PTPRJ: variants seen among roughly 807,000 people sequenced by gnomAD.
PTPRJ encodes receptor-type tyrosine-protein phosphatase eta.
Under a neutral mutation model 141.3 loss-of-function variants are expected in PTPRJ, and 129 were observed. That is an observed-to-expected ratio of 0.91 (90% CI 0.79 to 1.06). The LOEUF is 1.06. PTPRJ is among the 50% of genes least tolerant of loss of function. The probability of loss-of-function intolerance (pLI) is 0.00; values close to 1 mark genes in which losing one functional copy is unlikely to be tolerated. For synonymous variants in PTPRJ, 610 were observed against 640.5 expected (o/e 0.95, Z 0.72); for missense variants, 1,601 against 1,679.7 (o/e 0.95, Z 0.82).
At chr11:48,050,079 C>T (rs1464428955) in intron 1 of PTPRJ, among the ~76,000 whole-genome samples, 8 of 152,138 alleles carry the variant, frequency 5.3e-5, no homozygotes, top group Non-Finnish European at 1.0e-4. Context: ...CTGTGCTTTC[C>T]GTAAAGCTGT....
chr11:47,990,653 C>A (rs887470548), intron 1 of PTPRJ, among the ~76,000 whole-genome samples: 24 of 150,374 alleles, frequency 1.6e-4, no homozygotes, highest in Admixed American at 8.6e-4. Context: ...CTCAAGTGAT[C>A]TGCCTGCCTT....
At chr11:48,125,568 T>A (rs998330209) in intron 6 of PTPRJ, among the ~76,000 whole-genome samples, 1 of 152,232 alleles carries the variant, frequency 6.6e-6, no homozygotes, top group Non-Finnish European at 1.5e-5. Flanking sequence ...TGAGTTTCAT[T>A]TTTTCACCCG....
chr11:48,146,730 TGC>T, intron 14 of PTPRJ, 144 bp from the exon 15 acceptor site: 1 of 691,664 alleles, frequency 1.4e-6, no homozygotes, highest in East Asian at 2.5e-5. Flanking sequence ...TGTGTGTGTG[TGC>T]GCCTGTGTGT....
At chr11:48,123,953 C>T (rs2134342842) in intron 5 of PTPRJ, 83 bp downstream of exon 5, 1 of 1,428,464 alleles carries the variant, frequency 7.0e-7, no homozygotes, top group Non-Finnish European at 9.5e-7. Context: ...AATTGCTCTT[C>T]CATGTGTATG....
intron 1 of PTPRJ, among the ~76,000 whole-genome samples, chr11:48,043,036 G>T (rs1031611387): frequency 3.3e-5 from 5 of 152,098 alleles, no homozygotes; most frequent in Non-Finnish European, 5.9e-5. Context: ...TAGCTGGTAG[G>T]CTGCTTTATG....
chr11:48,138,554 C>G lies in PTPRJ; in HGVS notation c.2153-932C>G, dbSNP rs111404321. Among the ~76,000 whole-genome samples the G allele has an allele frequency of 6.8e-3, 1,035 of 152,228 alleles. 12 individuals carry two copies. The highest frequency in any genetic ancestry group is 0.024 in the African/African-American group (989 of 41,524). The stretch of plus-strand genomic sequence containing the variant: ...TCCTCCAGTTGTAATATGGAGTTTT[C>G]TATTTACATCAGTTTGATGTTAGTC... On this transcript the variant is annotated intron_variant, in intron 10 of 24. Coordinates refer to ENST00000418331, the MANE Select transcript of PTPRJ (RefSeq NM_002843.4).
chr11:48,086,613 C>G (rs1855719281), intron 1 of PTPRJ, among the ~76,000 whole-genome samples: 2 of 152,218 alleles, frequency 1.3e-5, no homozygotes. Flanking sequence ...TCCTTCCTCC[C>G]TAGCCCAGGA....
At chr11:48,134,781 C>T (rs1213586434) in intron 8 of PTPRJ, among the ~76,000 whole-genome samples, 1 of 152,152 alleles carries the variant, frequency 6.6e-6, no homozygotes, top group African/African-American at 2.4e-5. Context: ...GTGCAGGTGG[C>T]TGAGTGGGCA....
chr11:48,054,881 G>C lies in PTPRJ; in HGVS notation c.97-55177G>C, dbSNP rs190551644. Among the ~76,000 whole-genome samples, 59 of 151,608 alleles carry C rather than the reference G, an allele frequency of 3.9e-4. No individual in the cohort carries two copies. In the South Asian group the frequency reaches 0.012, roughly 31 times the overall value. On this transcript the variant is annotated intron_variant, in intron 1 of 24. Coordinates refer to ENST00000418331, the MANE Select transcript of PTPRJ (RefSeq NM_002843.4). ...GGGTGTTTGGAAGGAGTAACTGAAG[G>C]GGGGTATATAAAGCCGCTGGCAGCC... is the stretch of plus-strand genomic sequence containing the variant.
At chr11:48,148,715 A>G (rs1159620089) in intron 15 of PTPRJ, among the ~76,000 whole-genome samples, 1 of 152,086 alleles carries the variant, frequency 6.6e-6, no homozygotes, top group Non-Finnish European at 1.5e-5. Flanking sequence ...GATTACAGGC[A>G]TCAGCCACCG....
At chr11:48,021,892 A>G (rs1855134677) in intron 1 of PTPRJ, among the ~76,000 whole-genome samples, 1 of 152,160 alleles carries the variant, frequency 6.6e-6, no homozygotes, top group Non-Finnish European at 1.5e-5. Flanking sequence ...TGGTATTGCC[A>G]TTCCTGACCT....
At chr11:48,035,052 C>T (rs1854083788) in intron 1 of PTPRJ, among the ~76,000 whole-genome samples, 1 of 152,196 alleles carries the variant, frequency 6.6e-6, no homozygotes, top group Non-Finnish European at 1.5e-5. Flanking sequence ...CCTGCTATTT[C>T]CTCAGCACAG....
At chr11:48,066,559 ATTAT>A (rs1210851973) in intron 1 of PTPRJ, among the ~76,000 whole-genome samples, 10 of 63,074 alleles carry the variant, frequency 1.6e-4, no homozygotes, top group Non-Finnish European at 2.6e-4. Context: ...CAGTCGTATT[ATTAT>A]TATTATTATT....
At chr11:48,095,553 C>T (rs947503179) in intron 1 of PTPRJ, among the ~76,000 whole-genome samples, 20 of 151,208 alleles carry the variant, frequency 1.3e-4, no homozygotes, top group African/African-American at 4.6e-4. Flanking sequence ...TGGGTATAGC[C>T]AGCTATAATG....
At chr11:47,994,079 G>A (rs1056577484) in intron 1 of PTPRJ, among the ~76,000 whole-genome samples, 6 of 151,282 alleles carry the variant, frequency 4.0e-5, no homozygotes, top group Admixed American at 6.6e-5. Context: ...CAGGCTGGTC[G>A]TGAACTCTTG....
Position 48,130,640 on chromosome 11 carries a change from C to G in PTPRJ, c.1539C>G (p.Thr513=), listed in dbSNP as rs751781197. The G allele has an allele frequency of 1.9e-6, 3 of 1,613,758 alleles. No individual in the cohort carries two copies. In the Admixed American group the frequency reaches 5.0e-5, roughly 27 times the overall value. Residue 513 remains threonine, a synonymous_variant, in exon 8 of 25, where the codon ACC becomes ACG. Coordinates refer to ENST00000418331, the MANE Select transcript of PTPRJ (RefSeq NM_002843.4). ...SIIIGGLFPG[T]KYCFEIVPKG... ...TCATTGGTGGCTTGTTCCCTGGAAC[C>G]AAGTATTGCTTTGAAATAGTTCCAA...
chr11:48,047,719 A>C (rs1485145796), intron 1 of PTPRJ, among the ~76,000 whole-genome samples: 2 of 151,988 alleles, frequency 1.3e-5, no homozygotes, highest in African/African-American at 2.4e-5. Flanking sequence ...CACCCAGGCT[A>C]ATCTCTGGTA....
At chr11:48,097,699 G>A (rs1386505505) in intron 1 of PTPRJ, among the ~76,000 whole-genome samples, 2 of 152,004 alleles carry the variant, frequency 1.3e-5, no homozygotes, top group Non-Finnish European at 2.9e-5. Context: ...TGCCAAGCCC[G>A]GCTAAGTTTT....
In PTPRJ at chr11:47,999,405, C is replaced by T. The variant is rs533023389; in HGVS notation, c.96+18397C>T. ...TGCACCTTTGAGCAAGTATTTTTTG[C>T]TTGATAGTCTTCAGTGAGGAGGAAC... On this transcript the variant is annotated intron_variant, in intron 1 of 24. Coordinates refer to ENST00000418331, the MANE Select transcript of PTPRJ (RefSeq NM_002843.4). Among the ~76,000 whole-genome samples, 100 of 152,258 alleles carry T rather than the reference C, an allele frequency of 6.6e-4. 1 individual carries two copies. The South Asian group carries it at 0.021, about 31-fold the overall frequency.
Sources: gnomAD v4.1 joint callset for allele counts (sites outside exome capture counted in the v4.1 genomes callset) on GRCh38, gnomAD v4.1.1 for gene constraint, MANE v1.5 for transcripts, NCBI Gene and HGNC (gene_info 2026-07-23, HGNC 2026-07-21) for gene names.